The following CRY2 variants were observed in gnomAD, a reference collection of about 807,000 sequenced individuals.
CRY2 encodes cryptochrome circadian regulator 2.
In CRY2, 31 loss-of-function variants were observed where a neutral mutation model predicts 69.5. That is an observed-to-expected ratio of 0.45 (90% CI 0.34 to 0.60). The LOEUF (loss-of-function observed/expected upper bound fraction) is 0.60, where lower values mean the gene tolerates loss of function less well. Ranked by LOEUF, CRY2 falls within the 20% of genes least tolerant of loss-of-function variation. CRY2 has a pLI of 0.02. For synonymous variants in CRY2, 303 were observed against 312.2 expected, an observed-to-expected ratio of 0.97 and a Z score of 0.31; for missense variants, 606 against 797.8, an observed-to-expected ratio of 0.76 and a Z score of 2.90.
At chr11:45,870,589 G>A in intron 9 of CRY2, 57 bp downstream of exon 9, 2 of 1,580,048 alleles carry the variant, frequency 1.3e-6, no homozygotes, top group South Asian at 2.2e-5. Flanking sequence ...CAGGCTCAGG[G>A]GGCCAGATGG....
chr11:45,849,675 C>T (rs1168577352), intron 1 of CRY2, among the ~76,000 whole-genome samples: 1 of 145,956 alleles, frequency 6.9e-6, no homozygotes, highest in Non-Finnish European at 1.5e-5. Context: ...GGCTAGAGTA[C>T]AATGGCGCAG....
At chr11:45,867,381 C>T (rs913651270) in intron 5 of CRY2, 22 of 526,622 alleles carry the variant, frequency 4.2e-5, no homozygotes, top group African/African-American at 1.3e-4. Context: ...GAAGTAACAA[C>T]GTGTTCACAG....
chr11:45,847,220 G>C, upstream of CRY2: 2 of 1,550,776 alleles, frequency 1.3e-6, no homozygotes, highest in Non-Finnish European at 8.7e-7. Context: ...CCCAGCCTGC[G>C]GACAGCCCCA....
chr11:45,869,538 A>G lies in CRY2; in HGVS notation c.915A>G (p.Leu305=), dbSNP rs1189257689. The stretch of plus-strand genomic sequence containing the variant: ...GGAACAGCACACCTCCCCTCTCCCT[A>G]TTTGGGCAACTCCTATGGCGAGAGT... ...VKRNSTPPLS[L]FGQLLWREFF... Residue 305 remains leucine, a synonymous_variant, in exon 7 of 12, where the codon CTA becomes CTG. Transcript: ENST00000616080. 2 of 1,613,472 alleles carry G rather than the reference A, an allele frequency of 1.2e-6. No homozygotes were observed. The highest frequency in any genetic ancestry group is 4.5e-5 in the East Asian group (2 of 44,872).
At chr11:45,849,506 A>G (rs1375762680) in intron 1 of CRY2, among the ~76,000 whole-genome samples, 2 of 152,218 alleles carry the variant, frequency 1.3e-5, no homozygotes, top group Non-Finnish European at 2.9e-5. Context: ...ACGAAGTGCC[A>G]TGAGAAACAT....
chr11:45,867,481 GCA>G (rs1346998924), intron 5 of CRY2, 129 bp from the exon 6 acceptor site: 88 of 1,195,434 alleles, frequency 7.4e-5, no homozygotes, highest in East Asian at 9.6e-5. Flanking sequence ...GGCTGGACAA[GCA>G]CAGTGTTCCA....
chr11:45,861,449 TTTTTC>T (rs1326730242), intron 4 of CRY2: 1 of 168,658 alleles, frequency 5.9e-6, no homozygotes, highest in African/African-American at 2.4e-5. Flanking sequence ...TTACCTTTTT[TTTTTC>T]TTTTTTAGAC....
intron 10 of CRY2, 86 bp from the exon 11 acceptor site, chr11:45,872,006 T>C: frequency 3.2e-6 from 5 of 1,539,582 alleles, no homozygotes; most frequent in South Asian, 1.2e-5. Context: ...GTGCTCCCTG[T>C]CCCCTAAAGA....
At chr11:45,850,131 C>T (rs142790895) in intron 1 of CRY2, among the ~76,000 whole-genome samples, 9 of 152,030 alleles carry the variant, frequency 5.9e-5, no homozygotes, top group African/African-American at 1.9e-4. Context: ...GCCTTAGCCT[C>T]CCAAGTAGCT....
intron 9 of CRY2, 77 bp from the exon 10 acceptor site, chr11:45,870,765 C>T (rs1220179734): frequency 7.7e-7 from 1 of 1,296,252 alleles, no homozygotes. Context: ...TCCCCACCCC[C>T]ACTTGCTTCA....
chr11:45,868,474 A>G (rs914973842), intron 6 of CRY2, among the ~76,000 whole-genome samples: 4 of 152,098 alleles, frequency 2.6e-5, no homozygotes, highest in Non-Finnish European at 5.9e-5. Flanking sequence ...CAGCCTCTCA[A>G]GTAGAGCTAA....
chr11:45,865,024 T>C (rs1233405481), intron 5 of CRY2, among the ~76,000 whole-genome samples: 1 of 151,762 alleles, frequency 6.6e-6, no homozygotes, highest in Non-Finnish European at 1.5e-5. Flanking sequence ...CCTCCCAAAG[T>C]GCTGGAATTA....
chr11:45,862,929 G>GC (rs1318236474), intron 5 of CRY2, among the ~76,000 whole-genome samples: 2 of 152,166 alleles, frequency 1.3e-5, no homozygotes, highest in East Asian at 3.9e-4. Flanking sequence ...CTAGTTTCCT[G>GC]CCCCCTGCAG....
intron 1 of CRY2, 42 bp downstream of exon 1, chr11:45,847,747 C>G: frequency 6.6e-7 from 1 of 1,515,722 alleles, no homozygotes; most frequent in Non-Finnish European, 8.9e-7. Flanking sequence ...GCAGCCAGGA[C>G]CCTGACCCTG....
intron 11 of CRY2, among the ~76,000 whole-genome samples, chr11:45,874,934 C>T (rs2086414272): frequency 6.6e-6 from 1 of 152,078 alleles, no homozygotes; most frequent in South Asian, 2.1e-4. Flanking sequence ...CAGAGCTAGA[C>T]TCAGTCTCAC....
At chr11:45,871,518 G>C (rs1017627172) in intron 10 of CRY2, among the ~76,000 whole-genome samples, 8 of 152,190 alleles carry the variant, frequency 5.3e-5, no homozygotes, top group Admixed American at 2.6e-4. Context: ...TGGCCTGCTG[G>C]GTGGAGATTG....
Position 45,869,881 on chromosome 11 carries a change from C to G in CRY2, c.1194+64C>G. The G allele has an allele frequency of 2.0e-6, 3 of 1,535,324 alleles. No homozygotes were observed. In the South Asian group the frequency reaches 3.7e-5, roughly 19 times the overall value. On this transcript the variant is annotated intron_variant, in intron 7 of 11. Transcript: ENST00000616080. ...TGGTCAGGCCCGTCAAAGGGCAGCC[C>G]CCTTCTGGGCTGAGGGATGAGGTGG...
Position 45,870,431 on chromosome 11 carries a change from T to C in CRY2, c.1448T>C (p.Val483Ala). 1.9e-6 allele frequency: 3 copies of C among 1,614,216 alleles called. No individual in the cohort carries two copies. Among genetic ancestry groups the C allele is most frequent in the Non-Finnish European group, 2.5e-6 (3 of 1,180,046 alleles). The change falls in exon 9 of 12, where the codon GTG becomes GCG. Residue 483 changes from valine to alanine, a missense_variant. This residue lies in a region of CRY2 where 173 missense variants were observed against 213.7 expected (regional missense o/e 0.81). Coordinates refer to ENST00000616080, the MANE Select transcript of CRY2 (RefSeq NM_021117.5). ...IQKAAKCIIGVDYPRPIVNHA... is the reference protein window; with the variant it reads ...IQKAAKCIIGADYPRPIVNHA... ...AAGGCAGCCAAGTGCATCATTGGTGTGGACTACCCACGGCCCATCGTCAAC... is the reference window on the plus strand; with the variant it reads ...AAGGCAGCCAAGTGCATCATTGGTGCGGACTACCCACGGCCCATCGTCAAC...
At chr11:45,856,156 GTGAT>G in intron 2 of CRY2, 66 bp downstream of exon 2, 1 of 1,272,700 alleles carries the variant, frequency 7.9e-7, no homozygotes, top group Admixed American at 1.8e-5. Context: ...CACAGCCTGA[GTGAT>G]ATGATATTCC....
Sources: allele counts gnomAD v4.1 joint callset (sites outside exome capture counted in the v4.1 genomes callset), GRCh38; gene constraint gnomAD v4.1.1; regional missense constraint gnomAD v4.1.1; transcripts MANE v1.5; gene names NCBI Gene and HGNC (gene_info 2026-07-23, HGNC 2026-07-21).